The following UNC5A variants were observed in gnomAD, a reference collection of about 807,000 sequenced individuals.
The protein encoded by UNC5A is unc-5 netrin receptor A.
Under a neutral mutation model 87.4 loss-of-function variants are expected in UNC5A, and 20 were observed. That is an observed-to-expected ratio of 0.23 (90% CI 0.16 to 0.33). The LOEUF is 0.33. UNC5A is among the 10% of genes least tolerant of loss of function. The pLI is 1.00. For missense variants in UNC5A, 844 were observed against 1,133.4 expected (o/e 0.74, Z 3.67); for synonymous variants, 438 against 482.3 (o/e 0.91, Z 1.20).
At chr5:176,868,308 C>T (rs377325867) in intron 3 of UNC5A, 35 bp downstream of exon 3, 83 of 1,609,874 alleles carry the variant, frequency 5.2e-5, no homozygotes, top group Middle Eastern at 3.3e-4. Context: ...GGAGGGCGCA[C>T]GGCGGGAGGG....
At chr5:176,851,658 C>A (rs557626255) in intron 1 of UNC5A, among the ~76,000 whole-genome samples, 11 of 152,308 alleles carry the variant, frequency 7.2e-5, no homozygotes, top group Middle Eastern at 3.4e-3. Flanking sequence ...TGTGCACCCC[C>A]CTCGGGTGGC....
intron 1 of UNC5A, among the ~76,000 whole-genome samples, chr5:176,834,319 T>C (rs1238359058): frequency 6.6e-6 from 1 of 152,130 alleles, no homozygotes; most frequent in African/African-American, 2.4e-5. Flanking sequence ...CCGAGATGCA[T>C]GGTTGGCATT....
intron 1 of UNC5A, among the ~76,000 whole-genome samples, chr5:176,854,020 G>T (rs1226652107): frequency 6.6e-6 from 1 of 152,210 alleles, no homozygotes; most frequent in African/African-American, 2.4e-5. Flanking sequence ...GTCAAATAAG[G>T]CCAGGGAAGC....
intron 1 of UNC5A, among the ~76,000 whole-genome samples, chr5:176,835,834 C>T (rs1757139291): frequency 6.6e-6 from 1 of 151,800 alleles, no homozygotes; most frequent in South Asian, 2.1e-4. Context: ...ACAGATTCAT[C>T]TGGAATTTGA....
chr5:176,826,785 C>T (rs1385078096), intron 1 of UNC5A, among the ~76,000 whole-genome samples: 1 of 151,962 alleles, frequency 6.6e-6, no homozygotes, highest in Admixed American at 6.6e-5. Flanking sequence ...GGACTACAGG[C>T]GCCCGCCACC....
At chr5:176,822,125 C>A (rs531460428) in intron 1 of UNC5A, among the ~76,000 whole-genome samples, 1 of 152,380 alleles carries the variant, frequency 6.6e-6, no homozygotes, top group East Asian at 1.9e-4. Context: ...AGGTTCCTAC[C>A]TCATAGGGCT....
chr5:176,828,323 CT>C (rs1756904596), intron 1 of UNC5A, among the ~76,000 whole-genome samples: 1 of 152,162 alleles, frequency 6.6e-6, no homozygotes, highest in Admixed American at 6.5e-5. Context: ...TGCTGCAGAC[CT>C]GGGGGGCAGT....
At chr5:176,872,412 GC>G (rs200341987) in intron 6 of UNC5A, among the ~76,000 whole-genome samples, 1 of 5,472 alleles carries the variant, frequency 1.8e-4, no homozygotes, top group Non-Finnish European at 4.0e-4. Context: ...GCCCACACTC[GC>G]CCCAACACCA....
intron 1 of UNC5A, among the ~76,000 whole-genome samples, chr5:176,840,500 G>C (rs573628755): frequency 6.6e-6 from 1 of 152,232 alleles, no homozygotes; most frequent in Non-Finnish European, 1.5e-5. Context: ...CTGCAAGGGG[G>C]TGACCACATC....
Position 176,874,150 on chromosome 5 carries a change from A to G in UNC5A, c.1069A>G (p.Lys357Glu), listed in dbSNP as rs758879946. 2.5e-6 allele frequency: 4 copies of G among 1,613,310 alleles called. No homozygotes were observed. Among genetic ancestry groups the G allele is most frequent in the Non-Finnish European group, 3.4e-6 (4 of 1,179,472 alleles). ...CCAGCCCGTCAGCATCAAGCCCAGC[A>G]AAGCAGGTGAGGGGCCCCGTGCCCC... ...GFQPVSIKPS[K>E]ADNPHLLTIQ... is the part of the protein sequence containing the mutation. Residue 357 changes from lysine to glutamate, a missense_variant, in exon 7 of 15, where the codon AAA (lysine) becomes GAA (glutamate). This residue lies in a region of UNC5A where 353 missense variants were observed against 387.5 expected (regional missense o/e 0.91). Coordinates refer to ENST00000329542, the MANE Select transcript of UNC5A (RefSeq NM_133369.3). This position sits in a 1 kb window ranked among gnomAD's most constrained non-coding sequence, Gnocchi z 7.6.
chr5:176,879,915 C>A lies in UNC5A; in HGVS notation c.*29C>A. 1 of 1,598,238 alleles carries A rather than the reference C, an allele frequency of 6.3e-7. No homozygotes were observed. Among genetic ancestry groups the A allele is most frequent in the Non-Finnish European group, 8.5e-7 (1 of 1,173,386 alleles). On this transcript the variant is annotated 3_prime_UTR_variant, in exon 15 of 15. Transcript: ENST00000329542. Reference sequence around the variant, plus strand: ...CGGCCAGGCCCGACACCTACACTCTCACCAGCTTTGGCACCCACCAAGGAC... The same window carrying A: ...CGGCCAGGCCCGACACCTACACTCTAACCAGCTTTGGCACCCACCAAGGAC...
intron 2 of UNC5A, among the ~76,000 whole-genome samples, chr5:176,863,520 G>A (rs1187719539): frequency 1.3e-5 from 2 of 152,048 alleles, no homozygotes; most frequent in East Asian, 3.9e-4. Flanking sequence ...TCAGCTGGGG[G>A]CACAGAGAGA....
chr5:176,874,363 T>A lies in UNC5A; in HGVS notation c.1175T>A (p.Phe392Tyr). ...CPRQDGPSPK[F>Y]QLTNGHLLSP... ...CGGCAGGATGGGCCCAGCCCCAAGT[T>A]CCAGCTCACCAATGGGCACCTGCTC... Residue 392 changes from phenylalanine to tyrosine, a missense_variant, in exon 8 of 15, where the codon TTC (phenylalanine) becomes TAC (tyrosine). By Grantham distance (22) the Phe-to-Tyr change is conservative. Around this residue, in one of 3 missense-constraint regions of UNC5A, gnomAD observed 353 missense variants for 387.5 expected, o/e 0.91. Transcript: ENST00000329542. This position sits in a 1 kb window ranked among gnomAD's most constrained non-coding sequence, Gnocchi z 7.6. 1 of 1,613,612 alleles carries A rather than the reference T, an allele frequency of 6.2e-7. No homozygotes were observed. The highest frequency in any genetic ancestry group is 8.5e-7 in the Non-Finnish European group (1 of 1,179,908).
intron 12 of UNC5A, 21 bp downstream of exon 12, chr5:176,878,414 CA>C (rs1758321548): frequency 6.2e-7 from 1 of 1,612,954 alleles, no homozygotes; most frequent in South Asian, 1.1e-5. Flanking sequence ...GGGCCGTGGC[CA>C]GCGCACAAGA....
rs952725222 is a variant in UNC5A at position 176,874,843 on chromosome 5, A to G, written c.1378+277A>G. Reference sequence around the variant, plus strand: ...CATGTGGGGCCCTGGGCCCAGAGGTAGGGCAAGCCCCGGCCCCAAGGAGCT... The same window carrying G: ...CATGTGGGGCCCTGGGCCCAGAGGTGGGGCAAGCCCCGGCCCCAAGGAGCT... On this transcript the variant is annotated intron_variant, in intron 8 of 14. Transcript: ENST00000329542. The surrounding 1 kb of genome is among the most constrained non-coding windows in gnomAD (Gnocchi z 7.6). Among the ~76,000 whole-genome samples the G allele has an allele frequency of 6.6e-6, 1 of 152,204 alleles. No homozygotes were observed. The highest frequency in any genetic ancestry group is 1.5e-5 in the Non-Finnish European group (1 of 68,032).
chr5:176,861,391 C>A (rs576063220), intron 1 of UNC5A, among the ~76,000 whole-genome samples: 9 of 152,190 alleles, frequency 5.9e-5, no homozygotes, highest in South Asian at 2.1e-4. Flanking sequence ...ACCCTCGGTC[C>A]GAGCCTGCCC....
At chr5:176,816,161 T>C (rs1431288228) in intron 1 of UNC5A, among the ~76,000 whole-genome samples, 1 of 152,222 alleles carries the variant, frequency 6.6e-6, no homozygotes, top group East Asian at 1.9e-4. Flanking sequence ...GACTCTGCAC[T>C]CAGCAGCAGG....
Position 176,875,163 on chromosome 5 carries a change from G to A in UNC5A, c.1378+597G>A, listed in dbSNP as rs1298506837. 1.3e-5 allele frequency among the ~76,000 whole-genome samples: 2 copies of A among 152,158 alleles called. No individual in the cohort carries two copies. The highest frequency in any genetic ancestry group is 2.9e-5 in the Non-Finnish European group (2 of 68,036). ...AGGTGTGCCTCCGAGCTCCCTCCCA[G>A]TGCCCTTCTCCCCGAGCGGCCTCGC... On this transcript the variant is annotated intron_variant, in intron 8 of 14. Coordinates refer to ENST00000329542, the MANE Select transcript of UNC5A (RefSeq NM_133369.3). This position sits in a 1 kb window ranked among gnomAD's most constrained non-coding sequence, Gnocchi z 5.2.
At position 176,879,426 on chromosome 5, in the gene UNC5A, G is replaced by T. The variant is rs768631914; in HGVS notation, c.2301G>T (p.Leu767=). 6.2e-7 allele frequency: 1 copy of T among 1,612,820 alleles called. No homozygotes were observed. The highest frequency in any genetic ancestry group is 2.2e-5 in the East Asian group (1 of 44,852). Reference sequence around the variant, plus strand: ...TTCGGCAGAAGATAATTTCCAGCCTGGACCCACCCTGTAGGCGGGGTGCCG... The same window carrying T: ...TTCGGCAGAAGATAATTTCCAGCCTTGACCCACCCTGTAGGCGGGGTGCCG... ...FLIRQKIISS[L]DPPCRRGADW... is the part of the protein sequence containing the mutation. The change falls in exon 14 of 15, where the codon CTG becomes CTT. Residue 767 remains leucine, a synonymous_variant. Transcript: ENST00000329542.
Sources: allele counts gnomAD v4.1 joint callset (sites outside exome capture counted in the v4.1 genomes callset), GRCh38; gene constraint gnomAD v4.1.1; regional missense constraint gnomAD v4.1.1; non-coding constraint Gnocchi (gnomAD v3.1); transcripts MANE v1.5; gene names NCBI Gene and HGNC (gene_info 2026-07-23, HGNC 2026-07-21).